HTR2C: variants seen among roughly 807,000 people sequenced by gnomAD.
The protein encoded by HTR2C is 5-hydroxytryptamine receptor 2C.
A neutral mutation model predicts 21.0 loss-of-function variants in HTR2C; 5 were observed. That is an observed-to-expected ratio of 0.24 (90% confidence interval 0.12 to 0.50). The LOEUF (loss-of-function observed/expected upper bound fraction) is 0.50, where lower values mean the gene tolerates loss of function less well. HTR2C is among the 20% of genes least tolerant of loss of function. The probability of loss-of-function intolerance (pLI) is 0.98; values close to 1 mark genes in which losing one functional copy is unlikely to be tolerated. For synonymous variants in HTR2C, 150 were observed against 145.3 expected (o/e 1.03, Z -0.23); for missense variants, 271 against 371.2 (o/e 0.73, Z 2.22).
chrX:114,793,212 T>C (rs782606458), intron 4 of HTR2C, among the ~76,000 whole-genome samples: 1 of 111,556 alleles, frequency 9.0e-6, no homozygotes, highest in South Asian at 3.8e-4. Context: ...TACAGACATA[T>C]AATACTTTTC....
At chrX:114,897,416 A>AT (rs1181941996) in intron 5 of HTR2C, among the ~76,000 whole-genome samples, 1 of 108,475 alleles carries the variant, frequency 9.2e-6, no homozygotes, top group Admixed American at 9.8e-5. Context: ...TCCAAATTTT[A>AT]TTTTAAGTTC....
intron 5 of HTR2C, among the ~76,000 whole-genome samples, chrX:114,857,760 A>C (rs782144591): frequency 2.7e-5 from 3 of 110,904 alleles, no homozygotes; most frequent in East Asian, 5.7e-4. Context: ...AAGTTTTCTC[A>C]TCCAGAGTTC....
intron 4 of HTR2C, among the ~76,000 whole-genome samples, chrX:114,781,697 C>T (rs901654412): frequency 7.5e-4 from 81 of 108,308 alleles, no homozygotes; most frequent in Non-Finnish European, 1.3e-3. Context: ...GATAGTATCT[C>T]GCTATGTTGC....
chrX:114,664,894 G>A (rs782312308), intron 2 of HTR2C, among the ~76,000 whole-genome samples: 16 of 111,947 alleles, frequency 1.4e-4, no homozygotes, highest in Middle Eastern at 9.3e-3. Flanking sequence ...TGGAATTTTC[G>A]ACAATGTCAA....
intron 2 of HTR2C, among the ~76,000 whole-genome samples, chrX:114,632,880 G>C (rs782744934): frequency 9.1e-6 from 1 of 110,310 alleles, no homozygotes; most frequent in African/African-American, 3.3e-5. Context: ...GGGTGCTCAC[G>C]TGACCTAATA....
intron 4 of HTR2C, among the ~76,000 whole-genome samples, chrX:114,765,039 C>CT (rs59822069): frequency 5.1e-4 from 49 of 96,773 alleles, no homozygotes; most frequent in South Asian, 2.8e-3. Flanking sequence ...TTCTTTCTTT[C>CT]TTTTTTTTTC....
At chrX:114,814,828 T>C (rs1556453855) in intron 4 of HTR2C, among the ~76,000 whole-genome samples, 1 of 101,189 alleles carries the variant, frequency 9.9e-6, no homozygotes, top group African/African-American at 3.5e-5. Flanking sequence ...ATATATCATA[T>C]ATACTATAGA....
chrX:114,645,693 G>T (rs782002487), intron 2 of HTR2C, among the ~76,000 whole-genome samples: 1 of 111,481 alleles, frequency 9.0e-6, no homozygotes, highest in African/African-American at 3.3e-5. Context: ...AATGCAAAAG[G>T]CAAGTTGATA....
chrX:114,738,049 T>A (rs1315151309), intron 4 of HTR2C, among the ~76,000 whole-genome samples: 1 of 111,809 alleles, frequency 8.9e-6, no homozygotes, highest in Non-Finnish European at 1.9e-5. Context: ...CAGAATCCAA[T>A]GTCATGTGAA....
chrX:114,717,808 T>C (rs781829134), intron 2 of HTR2C: 15 of 111,578 alleles, frequency 1.3e-4, no homozygotes, highest in Non-Finnish European at 2.1e-4. Context: ...TATTCTTAGA[T>C]AGTATCTTTT....
At chrX:114,626,549 A>G (rs375326427) in intron 2 of HTR2C, among the ~76,000 whole-genome samples, 1 of 112,016 alleles carries the variant, frequency 8.9e-6, no homozygotes, top group East Asian at 2.8e-4. Context: ...TAAGACTCCA[A>G]TGTAGTGAAA....
intron 4 of HTR2C, among the ~76,000 whole-genome samples, chrX:114,748,649 G>T (rs782333587): frequency 4.0e-4 from 45 of 111,434 alleles, no homozygotes; most frequent in African/African-American, 1.4e-3. Context: ...AATGGAGAAA[G>T]AATAGTCTTT....
intron 2 of HTR2C, among the ~76,000 whole-genome samples, chrX:114,703,467 A>G (rs1932631794): frequency 9.0e-6 from 1 of 111,112 alleles, no homozygotes; most frequent in African/African-American, 3.3e-5. Context: ...ACTACTGGGT[A>G]CATAAGGAAA....
At position 114,689,240 on chromosome X, in the gene HTR2C, C is replaced by A. The variant is rs962049021; in HGVS notation, c.-79-37618C>A. ...TATATATATATATATATCACATTTT[C>A]TTTATCCACTCATTGCTTGATGGGC... On this transcript the variant is annotated intron_variant, in intron 2 of 5. Transcript: ENST00000276198. Among the ~76,000 whole-genome samples, 12 of 58,071 alleles carry A rather than the reference C, an allele frequency of 2.1e-4. No homozygotes were observed. The Admixed American group carries it at 2.5e-3, about 12-fold the overall frequency. 50.4% of individuals were successfully genotyped at this position (58,071 alleles called of 115,157 possible). A position where few individuals can be genotyped will look rare whatever the true frequency, so the allele number is the denominator to read the frequency against.
chrX:114,846,299 G>A (rs1478983501), intron 4 of HTR2C, among the ~76,000 whole-genome samples: 1 of 111,616 alleles, frequency 9.0e-6, no homozygotes, highest in African/African-American at 3.3e-5. Context: ...AGAAGATGAA[G>A]AAACATTTTG....
At chrX:114,851,558 A>G (rs2044754387) in intron 5 of HTR2C, among the ~76,000 whole-genome samples, 1 of 111,278 alleles carries the variant, frequency 9.0e-6, no homozygotes, top group Non-Finnish European at 1.9e-5. Flanking sequence ...TTATACTGTA[A>G]GGAAGTGTTT....
chrX:114,752,515 A>G (rs1556428350), intron 4 of HTR2C, among the ~76,000 whole-genome samples: 1 of 111,353 alleles, frequency 9.0e-6, no homozygotes, highest in Non-Finnish European at 1.9e-5. Context: ...ATGATCAATA[A>G]CTAATTGATT....
chrX:114,604,765 C>G (rs1556396227), intron 1 of HTR2C, among the ~76,000 whole-genome samples: 1 of 110,442 alleles, frequency 9.1e-6, no homozygotes, highest in African/African-American at 3.3e-5. Flanking sequence ...GCACGTGTAG[C>G]AAGCTCCTGT....
chrX:114,876,622 T>A (rs935232324), intron 5 of HTR2C, among the ~76,000 whole-genome samples: 2 of 109,497 alleles, frequency 1.8e-5, no homozygotes, highest in African/African-American at 6.6e-5. Context: ...TGATACCTAA[T>A]TTCTTGAGAG....
Sources: allele counts gnomAD v4.1 joint callset (sites outside exome capture counted in the v4.1 genomes callset), GRCh38; gene constraint gnomAD v4.1.1; transcripts MANE v1.5; gene names NCBI Gene and HGNC (gene_info 2026-07-23, HGNC 2026-07-21).